The following ROBO2 variants were observed in gnomAD, a reference collection of about 807,000 sequenced individuals.
ROBO2 encodes roundabout homolog 2.
ROBO2 carries 53 observed loss-of-function variants against 160.8 expected under a neutral mutation model. The observed-to-expected ratio is 0.33, with a 90% CI of 0.26 to 0.41. The LOEUF (loss-of-function observed/expected upper bound fraction) is 0.41. Ranked by LOEUF, ROBO2 falls within the 10% of genes least tolerant of loss-of-function variation. ROBO2 has a pLI of 1.00. For synonymous variants in ROBO2, 664 were observed against 611.7 expected, an observed-to-expected ratio of 1.09 and a Z score of -1.26; for missense variants, 1,577 against 1,722.4, an observed-to-expected ratio of 0.92 and a Z score of 1.49.
chr3:76,148,582 A>G (rs1348598232), intron 2 of ROBO2, among the ~76,000 whole-genome samples: 2 of 151,964 alleles, frequency 1.3e-5, no homozygotes, highest in Non-Finnish European at 2.9e-5. Context: ...CCTTCCCACC[A>G]ACCTTCTGGA....
intron 16 of ROBO2, among the ~76,000 whole-genome samples, chr3:77,587,701 C>CT: frequency 6.6e-6 from 1 of 152,170 alleles, no homozygotes; most frequent in Admixed American, 6.6e-5. Flanking sequence ...AGATCATGAT[C>CT]TTTTTAACAT....
At chr3:76,574,135 A>G (rs2085136974) in intron 2 of ROBO2, among the ~76,000 whole-genome samples, 1 of 152,246 alleles carries the variant, frequency 6.6e-6, no homozygotes, top group South Asian at 2.1e-4. Context: ...ACATAGAACA[A>G]TAAATATCTG....
chr3:76,350,826 T>C (rs1431912534), intron 2 of ROBO2, among the ~76,000 whole-genome samples: 2 of 151,932 alleles, frequency 1.3e-5, no homozygotes, highest in African/African-American at 4.8e-5. Context: ...TGTTTAGTTT[T>C]TATAGACATT....
chr3:76,501,594 AT>A (rs1180707901), intron 2 of ROBO2, among the ~76,000 whole-genome samples: 1 of 152,184 alleles, frequency 6.6e-6, no homozygotes, highest in Admixed American at 6.5e-5. Context: ...TTCATGTTAA[AT>A]AAAATCTCCT....
At chr3:76,666,401 T>TAA (rs1359892240) in intron 2 of ROBO2, among the ~76,000 whole-genome samples, 1 of 152,152 alleles carries the variant, frequency 6.6e-6, no homozygotes, top group Non-Finnish European at 1.5e-5. Context: ...TGATGACACT[T>TAA]ATTTCAAGTA....
chr3:76,822,645 T>C (rs1037056921), intron 2 of ROBO2, among the ~76,000 whole-genome samples: 3 of 151,792 alleles, frequency 2.0e-5, no homozygotes, highest in South Asian at 2.1e-4. Context: ...ATCATTTTCA[T>C]TGATGAGACT....
chr3:76,598,612 A>G (rs772827834), intron 2 of ROBO2, among the ~76,000 whole-genome samples: 1 of 152,114 alleles, frequency 6.6e-6, no homozygotes, highest in Non-Finnish European at 1.5e-5. Context: ...GTCCTTATGA[A>G]TCTGTAATTA....
chr3:75,986,314 G>GTACT (rs2065413697), intron 2 of ROBO2, among the ~76,000 whole-genome samples: 1 of 151,360 alleles, frequency 6.6e-6, no homozygotes, highest in Non-Finnish European at 1.5e-5. Flanking sequence ...CTCCTTTTAT[G>GTACT]TACTTATTGA....
At chr3:76,151,196 G>A (rs2106846805) in intron 2 of ROBO2, among the ~76,000 whole-genome samples, 1 of 152,186 alleles carries the variant, frequency 6.6e-6, no homozygotes, top group East Asian at 1.9e-4. Context: ...AGTCCATTAA[G>A]AAATCTTCAT....
At chr3:77,513,814 A>G (rs1469994742) in intron 5 of ROBO2, among the ~76,000 whole-genome samples, 1 of 151,748 alleles carries the variant, frequency 6.6e-6, no homozygotes, top group Non-Finnish European at 1.5e-5. Flanking sequence ...CAGTGATGAT[A>G]GCACACGTTG....
At chr3:76,947,765 G>GT (rs1198844730) in intron 2 of ROBO2, among the ~76,000 whole-genome samples, 9 of 151,876 alleles carry the variant, frequency 5.9e-5, no homozygotes, top group Non-Finnish European at 1.3e-4. Context: ...CATGTGACTG[G>GT]TTTTTTTGTT....
At chr3:77,596,367 T>G (rs950977666) in intron 18 of ROBO2, among the ~76,000 whole-genome samples, 1 of 152,122 alleles carries the variant, frequency 6.6e-6, no homozygotes, top group Admixed American at 6.6e-5. Flanking sequence ...TGTTACTGAT[T>G]TCTACCAGTT....
intron 2 of ROBO2, among the ~76,000 whole-genome samples, chr3:76,335,178 G>GTTTTTTTTTTTTTTTTTTT (rs34963831): frequency 1.3e-5 from 1 of 77,894 alleles, no homozygotes; most frequent in Non-Finnish European, 2.3e-5. Flanking sequence ...TTTCTGTTTT[G>GTTTTTTTTTTTTTTTTTTT]TTTTTTTTTT....
chr3:76,963,876 G>T (rs1387025473), intron 2 of ROBO2, among the ~76,000 whole-genome samples: 1 of 145,552 alleles, frequency 6.9e-6, no homozygotes, highest in East Asian at 2.0e-4. Context: ...GAAATAAAAA[G>T]AAAAAGAAAA....
chr3:76,834,112 T>C (rs570032096), intron 2 of ROBO2, among the ~76,000 whole-genome samples: 94 of 145,498 alleles, frequency 6.5e-4, no homozygotes, highest in African/African-American at 2.3e-3. Flanking sequence ...CTTTCTTTCT[T>C]TCTCTCTGTC....
chr3:77,221,029 T>C (rs1256284307), intron 2 of ROBO2, among the ~76,000 whole-genome samples: 1 of 152,198 alleles, frequency 6.6e-6, no homozygotes, highest in African/African-American at 2.4e-5. Flanking sequence ...ACATATGTAA[T>C]GGTAAAGCTT....
intron 2 of ROBO2, among the ~76,000 whole-genome samples, chr3:76,377,439 A>G (rs1162369356): frequency 6.6e-6 from 1 of 152,146 alleles, no homozygotes. Flanking sequence ...AGTCCTGCAC[A>G]CAGAAAAAAA....
chr3:76,129,818 G>T (rs1451405508), intron 2 of ROBO2, among the ~76,000 whole-genome samples: 1 of 152,000 alleles, frequency 6.6e-6, no homozygotes, highest in South Asian at 2.1e-4. Context: ...TCAATTGTCA[G>T]GGAGTTACAT....
intron 2 of ROBO2, among the ~76,000 whole-genome samples, chr3:76,660,352 A>C (rs2091764219): frequency 6.6e-6 from 1 of 152,222 alleles, no homozygotes; most frequent in Non-Finnish European, 1.5e-5. Context: ...AGAGTATAGT[A>C]GCAACAGTGA....
Sources: gnomAD v4.1 joint callset for allele counts (sites outside exome capture counted in the v4.1 genomes callset) on GRCh38, gnomAD v4.1.1 for gene constraint, MANE v1.5 for transcripts, NCBI Gene and HGNC (gene_info 2026-07-23, HGNC 2026-07-21) for gene names.